Variants in RIMS2 observed in about 807,000 individuals in gnomAD.
RIMS2 encodes the protein regulating synaptic membrane exocytosis 2.
A neutral mutation model predicts 174.4 loss-of-function variants in RIMS2; 59 were observed. The observed-to-expected ratio is 0.34, with a 90% confidence interval of 0.27 to 0.42. RIMS2 has a LOEUF of 0.42. Among genes scored for constraint, RIMS2 ranks in the 10% least tolerant of loss-of-function variants. The probability of loss-of-function intolerance (pLI) is 1.00; values close to 1 mark genes in which losing one functional copy is unlikely to be tolerated. For missense variants in RIMS2, 1,620 were observed against 1,666.3 expected (o/e 0.97, Z 0.48); for synonymous variants, 606 against 572.5 (o/e 1.06, Z -0.84).
chr8:103,607,935 C>G (rs2095195543), intron 1 of RIMS2, among the ~76,000 whole-genome samples: 1 of 142,240 alleles, frequency 7.0e-6, no homozygotes, highest in Admixed American at 6.9e-5. Flanking sequence ...ACTTCTTTGC[C>G]TTTGGTCTGA....
At chr8:103,811,896 T>C (rs2098689988) in intron 3 of RIMS2, among the ~76,000 whole-genome samples, 1 of 152,018 alleles carries the variant, frequency 6.6e-6, no homozygotes, top group Non-Finnish European at 1.5e-5. Context: ...GAAAGAAGAG[T>C]GAGAGAGATC....
intron 19 of RIMS2, among the ~76,000 whole-genome samples, chr8:104,019,041 T>TA (rs1181090366): frequency 7.9e-5 from 12 of 151,932 alleles, no homozygotes; most frequent in Non-Finnish European, 1.5e-5. Flanking sequence ...CTACTAAAAA[T>TA]AAAAAAATTA....
At chr8:104,254,948 G>C (rs1180355798), downstream of RIMS2, 2 of 152,168 alleles carry the variant, frequency 1.3e-5, no homozygotes, top group African/African-American at 2.4e-5. Context: ...TCTACGTGTG[G>C]ATATGAATGG....
chr8:104,097,719 C>A (rs916220713), intron 19 of RIMS2, among the ~76,000 whole-genome samples: 1 of 151,882 alleles, frequency 6.6e-6, no homozygotes, highest in Non-Finnish European at 1.5e-5. Context: ...GATTTTGGAG[C>A]AGTTAGGATT....
chr8:103,910,271 T>C, intron 5 of RIMS2, 50 bp from the exon 8 acceptor site: 1 of 1,497,332 alleles, frequency 6.7e-7, no homozygotes, highest in Non-Finnish European at 9.2e-7. Flanking sequence ...TTTACACCTT[T>C]GCATGTTTCT....
intron 19 of RIMS2, among the ~76,000 whole-genome samples, chr8:104,214,173 A>G (rs2099119081): frequency 6.6e-6 from 1 of 152,158 alleles, no homozygotes; most frequent in Non-Finnish European, 1.5e-5. Flanking sequence ...CCTTAATTAG[A>G]ATACATACTG....
At chr8:103,788,125 C>T (rs959383599) in intron 3 of RIMS2, among the ~76,000 whole-genome samples, 8 of 150,740 alleles carry the variant, frequency 5.3e-5, no homozygotes, top group African/African-American at 9.8e-5. Context: ...GCTCCATCAG[C>T]CCCTTTAAGC....
chr8:103,617,368 G>T (rs1179479777), intron 1 of RIMS2, among the ~76,000 whole-genome samples: 4 of 152,132 alleles, frequency 2.6e-5, no homozygotes, highest in Non-Finnish European at 5.9e-5. Context: ...ACTGAAGATG[G>T]ATTAAAGACT....
intron 19 of RIMS2, among the ~76,000 whole-genome samples, chr8:104,237,006 T>G (rs2099262374): frequency 6.6e-6 from 1 of 152,190 alleles, no homozygotes; most frequent in Non-Finnish European, 1.5e-5. Flanking sequence ...GCAATTTTCC[T>G]GTAAATCTAA....
At chr8:104,082,614 T>A (rs1007660870) in intron 19 of RIMS2, among the ~76,000 whole-genome samples, 9 of 152,102 alleles carry the variant, frequency 5.9e-5, no homozygotes, top group Non-Finnish European at 8.8e-5. Context: ...ATGTAAAAGT[T>A]GGCTGGGACA....
intron 1 of RIMS2, among the ~76,000 whole-genome samples, chr8:103,565,540 A>C (rs1377841318): frequency 1.3e-5 from 2 of 152,154 alleles, no homozygotes; most frequent in Admixed American, 6.5e-5. Context: ...ATCCGAGTTC[A>C]AGCAATCTGC....
At chr8:103,636,576 G>C (rs2096078395) in intron 1 of RIMS2, among the ~76,000 whole-genome samples, 3 of 152,160 alleles carry the variant, frequency 2.0e-5, no homozygotes, top group Non-Finnish European at 4.4e-5. Context: ...GTTGCTCCCA[G>C]GTGGGCCGTT....
chr8:103,611,662 T>C (rs1392199532), intron 1 of RIMS2, among the ~76,000 whole-genome samples: 2 of 150,910 alleles, frequency 1.3e-5, no homozygotes, highest in African/African-American at 4.8e-5. Flanking sequence ...CTACATTGTA[T>C]GTTATTTGTT....
At chr8:103,586,685 A>G (rs368556047) in intron 1 of RIMS2, among the ~76,000 whole-genome samples, 122 of 152,260 alleles carry the variant, frequency 8.0e-4, no homozygotes, top group African/African-American at 2.8e-3. Flanking sequence ...TTAAAGAACT[A>G]GAAAAGCAAG....
chr8:104,033,895 A>G (rs2096454881), intron 19 of RIMS2, among the ~76,000 whole-genome samples: 1 of 152,180 alleles, frequency 6.6e-6, no homozygotes, highest in African/African-American at 2.4e-5. Flanking sequence ...ACATGTTTAT[A>G]TATGCCTATG....
intron 1 of RIMS2, among the ~76,000 whole-genome samples, chr8:103,514,594 G>A (rs1322735859): frequency 6.6e-6 from 1 of 152,126 alleles, no homozygotes; most frequent in African/African-American, 2.4e-5. Context: ...CACTTAGCCA[G>A]CTTCTATGAG....
intron 1 of RIMS2, among the ~76,000 whole-genome samples, chr8:103,646,221 G>A (rs1014805927): frequency 6.6e-6 from 1 of 152,098 alleles, no homozygotes; most frequent in Non-Finnish European, 1.5e-5. Context: ...GTAGGAGCAG[G>A]CCACAGGGGA....
intron 3 of RIMS2, among the ~76,000 whole-genome samples, chr8:103,795,332 G>C (rs1230425428): frequency 6.6e-6 from 1 of 150,502 alleles, no homozygotes; most frequent in Non-Finnish European, 1.5e-5. Context: ...CTGTCGCAAG[G>C]ACAGAAAACC....
exon 1 of RIMS2, chr8:103,500,898 TGTCGGGCCCCGGGGCCGCCTGGCTCCC>T: frequency 6.3e-7 from 1 of 1,597,516 alleles, no homozygotes; most frequent in Non-Finnish European, 8.5e-7. Flanking sequence ...TGTCGGCTCC[TGTCGGGCCCCGGGGCCGCCTGGCTCCC>T]ATCCCGGCGG....
Sources: allele counts gnomAD v4.1 joint callset (sites outside exome capture counted in the v4.1 genomes callset), GRCh38; gene constraint gnomAD v4.1.1; transcripts MANE v1.5; gene names NCBI Gene and HGNC (gene_info 2026-07-23, HGNC 2026-07-21).